EGFLAM: variants seen among roughly 807,000 people sequenced by gnomAD.
EGFLAM encodes the protein pikachurin.
A neutral mutation model predicts 113.1 loss-of-function variants in EGFLAM; 79 were observed. The observed-to-expected ratio is 0.70, with a 90% confidence interval of 0.58 to 0.84. The LOEUF (loss-of-function observed/expected upper bound fraction) is 0.84. Among genes scored for constraint, EGFLAM ranks in the 40% least tolerant of loss-of-function variants. The pLI, the probability that EGFLAM is intolerant of heterozygous loss-of-function variation, is 0.00. For synonymous variants in EGFLAM, 504 were observed against 487.6 expected, an observed-to-expected ratio of 1.03 and a Z score of -0.44; for missense variants, 1,265 against 1,291.6, an observed-to-expected ratio of 0.98 and a Z score of 0.32.
intron 1 of EGFLAM, among the ~76,000 whole-genome samples, chr5:38,335,985 T>C (rs1429742071): frequency 6.6e-6 from 1 of 152,236 alleles, no homozygotes; most frequent in Non-Finnish European, 1.5e-5. Context: ...ATTGTGCTTT[T>C]ACCATTACTC....
intron 6 of EGFLAM, among the ~76,000 whole-genome samples, chr5:38,396,892 T>C (rs1358123441): frequency 1.3e-5 from 2 of 152,186 alleles, no homozygotes; most frequent in African/African-American, 4.8e-5. Flanking sequence ...TCTCTGGCCA[T>C]CTGCTTGACT....
chr5:38,413,937 G>A (rs1741564087), intron 11 of EGFLAM, among the ~76,000 whole-genome samples: 1 of 152,156 alleles, frequency 6.6e-6, no homozygotes, highest in Non-Finnish European at 1.5e-5. Flanking sequence ...AACAGGGTTC[G>A]TGCTCCTGTA....
At position 38,462,965 on chromosome 5, in the gene EGFLAM, C is replaced by G; in HGVS notation, c.2829C>G (p.Ser943=). The G allele has an allele frequency of 6.2e-7, 1 of 1,614,046 alleles. No homozygotes were observed. The highest frequency in any genetic ancestry group is 8.5e-7 in the Non-Finnish European group (1 of 1,180,000). The part of the protein sequence containing the change: ...VDDYGARTGK[S]PGMMRQLNIN... ...ACTATGGAGCCAGAACAGGCAAATCCCCAGGCATGATGCGGCAGCTTAACA... is the reference window on the plus strand; with the variant it reads ...ACTATGGAGCCAGAACAGGCAAATCGCCAGGCATGATGCGGCAGCTTAACA... Residue 943 remains serine, a synonymous_variant, in exon 21 of 22, where the codon TCC becomes TCG. Transcript: ENST00000322350.
intron 3 of EGFLAM, chr5:38,345,390 G>A (rs1298233323): frequency 1.3e-5 from 2 of 152,240 alleles, no homozygotes; most frequent in Admixed American, 6.5e-5. Flanking sequence ...AAGAAGGCAA[G>A]AGTCCTGAAA....
intron 5 of EGFLAM, among the ~76,000 whole-genome samples, chr5:38,357,967 A>ATTTTTTTTTT (rs70978882): frequency 8.4e-6 from 1 of 119,436 alleles, no homozygotes; most frequent in Non-Finnish European, 1.7e-5. Context: ...GGTTAAGTGA[A>ATTTTTTTTTT]TTTTTTTTTT....
At chr5:38,361,910 T>G (rs78757528) in intron 5 of EGFLAM, among the ~76,000 whole-genome samples, 53 of 32,938 alleles carry the variant, frequency 1.6e-3, no homozygotes, top group Admixed American at 7.4e-3. Flanking sequence ...GATTTTTGAT[T>G]TTTTTTTTTT....
intron 17 of EGFLAM, among the ~76,000 whole-genome samples, chr5:38,440,640 TG>T (rs1742503494): frequency 6.6e-6 from 1 of 152,198 alleles, no homozygotes; most frequent in Non-Finnish European, 1.5e-5. Flanking sequence ...GAAAGAATCC[TG>T]TCTCATCCAG....
chr5:38,435,015 C>G, intron 15 of EGFLAM, 122 bp from the exon 16 acceptor site: 1 of 733,346 alleles, frequency 1.4e-6, no homozygotes, highest in African/African-American at 1.7e-5. Flanking sequence ...GACAGATTGT[C>G]ATGATGGGTC....
At chr5:38,299,857 A>G (rs1042346391) in intron 1 of EGFLAM, among the ~76,000 whole-genome samples, 2 of 152,110 alleles carry the variant, frequency 1.3e-5, no homozygotes, top group Non-Finnish European at 2.9e-5. Flanking sequence ...CTTGACATGT[A>G]TTTATTGAGC....
intron 1 of EGFLAM, among the ~76,000 whole-genome samples, chr5:38,314,639 C>G (rs925291225): frequency 6.6e-6 from 1 of 152,226 alleles, no homozygotes; most frequent in African/African-American, 2.4e-5. Flanking sequence ...TTTTTCCTCT[C>G]TGACTTAGAT....
At chr5:38,314,441 G>A (rs1052915728) in intron 1 of EGFLAM, among the ~76,000 whole-genome samples, 3 of 152,228 alleles carry the variant, frequency 2.0e-5, no homozygotes, top group East Asian at 3.8e-4. Flanking sequence ...TTATGTGAAT[G>A]TGAGGATGTG....
chr5:38,261,857 G>T (rs1757508405), intron 1 of EGFLAM, among the ~76,000 whole-genome samples: 1 of 152,126 alleles, frequency 6.6e-6, no homozygotes, highest in South Asian at 2.1e-4. Flanking sequence ...TGCTTCTCTT[G>T]TTGAACTCCT....
chr5:38,274,502 G>A (rs1757838785), intron 1 of EGFLAM, among the ~76,000 whole-genome samples: 1 of 152,100 alleles, frequency 6.6e-6, no homozygotes, highest in South Asian at 2.1e-4. Flanking sequence ...ATGCCTAACA[G>A]CAGACTTCTC....
Position 38,319,774 on chromosome 5 carries a change from G to A in EGFLAM, c.98-17746G>A, listed in dbSNP as rs74401198. ...ATACTTGAAAAGACACATTTAGCAG[G>A]TGCCTGGGAACACTATACAAATGGG... On this transcript the variant is annotated intron_variant, in intron 1 of 21. Transcript: ENST00000322350. 3.7e-3 allele frequency among the ~76,000 whole-genome samples: 569 copies of A among 152,350 alleles called. 4 individuals carry two copies. Among genetic ancestry groups the A allele is most frequent in the African/African-American group, 0.013 (541 of 41,576 alleles).
chr5:38,388,903 AG>A, intron 6 of EGFLAM, among the ~76,000 whole-genome samples: 1 of 149,204 alleles, frequency 6.7e-6, no homozygotes, highest in Non-Finnish European at 1.5e-5. Context: ...TGACAGAGCA[AG>A]ACCCTGTCTC....
intron 1 of EGFLAM, among the ~76,000 whole-genome samples, chr5:38,293,091 T>C (rs1758373852): frequency 6.6e-6 from 1 of 152,248 alleles, no homozygotes; most frequent in Non-Finnish European, 1.5e-5. Flanking sequence ...TGAAATGCTA[T>C]TGCCTGAGAA....
intron 1 of EGFLAM, among the ~76,000 whole-genome samples, chr5:38,308,963 A>G (rs1314564655): frequency 2.0e-5 from 3 of 152,242 alleles, no homozygotes; most frequent in African/African-American, 7.2e-5. Flanking sequence ...GTATAGAATT[A>G]GGAACACTGG....
chr5:38,386,273 T>G lies in EGFLAM; in HGVS notation c.712+15811T>G, dbSNP rs181027761. Among the ~76,000 whole-genome samples the G allele has an allele frequency of 2.2e-4, 34 of 152,324 alleles. No individual in the cohort carries two copies. In the East Asian group the frequency reaches 2.3e-3, roughly 10 times the overall value. ...GTGCAATGGCGCCATCTTGGCTCAC[T>G]GCAACCTCCACCTCCCGAGTTCAAG... On this transcript the variant is annotated intron_variant, in intron 6 of 21. Transcript: ENST00000322350.
intron 5 of EGFLAM, among the ~76,000 whole-genome samples, chr5:38,352,894 C>G (rs577511194): frequency 1.8e-4 from 28 of 152,316 alleles, no homozygotes; most frequent in African/African-American, 6.3e-4. Flanking sequence ...ATTCTAGGCT[C>G]TGAAAACTCC....
Sources: allele counts gnomAD v4.1 joint callset (sites outside exome capture counted in the v4.1 genomes callset), GRCh38; gene constraint gnomAD v4.1.1; transcripts MANE v1.5; gene names NCBI Gene and HGNC (gene_info 2026-07-23, HGNC 2026-07-21).